The following ICA1 variants were observed in gnomAD, a reference collection of about 807,000 sequenced individuals.
ICA1 encodes islet cell autoantigen 1, also known as 69 kDa islet cell autoantigen.
Under a neutral mutation model 71.0 loss-of-function variants are expected in ICA1, and 40 were observed. The ratio of observed to expected loss-of-function variants is 0.56; its 90% CI spans 0.44 to 0.73. The LOEUF (loss-of-function observed/expected upper bound fraction) is 0.73, where lower values mean the gene tolerates loss of function less well. ICA1 is among the 30% of genes least tolerant of loss of function. The pLI, the probability that ICA1 is intolerant of heterozygous loss-of-function variation, is 0.00. For missense variants in ICA1, 578 were observed against 576.5 expected, an observed-to-expected ratio of 1.00 and a Z score of -0.03; for synonymous variants, 207 against 209.5, an observed-to-expected ratio of 0.99 and a Z score of 0.10.
intron 1 of ICA1, among the ~76,000 whole-genome samples, chr7:8,255,698 A>ATTC (rs56963351): frequency 0.97 from 146,772 of 151,626 alleles, 71,091 homozygotes; most frequent in East Asian, 1. Flanking sequence ...GCACTCTCAA[A>ATTC]TTCTTCTTTC....
In ICA1 at chr7:8,208,728, A is replaced by C. The variant is rs145476562; in HGVS notation, c.579+9577T>G. On this transcript the variant is annotated intron_variant, in intron 6 of 13. Coordinates refer to ENST00000402384, the MANE Select transcript of ICA1 (RefSeq NM_001136020.3). ...GTAATTTTCCATTGACCCGTAATTTAAGATGATACCTTCTTCAGGAGCTAC... is the reference window on the plus strand; with the variant it reads ...GTAATTTTCCATTGACCCGTAATTTCAGATGATACCTTCTTCAGGAGCTAC... 1.5e-3 allele frequency among the ~76,000 whole-genome samples: 223 copies of C among 152,350 alleles called. 1 individual carries two copies. The highest frequency in any genetic ancestry group is 6.8e-3 in the Middle Eastern group (2 of 294).
chr7:8,221,537 G>A (rs1797071209), intron 4 of ICA1, 139 bp from the exon 5 acceptor site: 2 of 910,042 alleles, frequency 2.2e-6, no homozygotes, highest in South Asian at 3.3e-5. Context: ...CAGGCTACAG[G>A]GTAAGCTCCC....
chr7:8,241,594 G>T (rs1436299390), intron 1 of ICA1, among the ~76,000 whole-genome samples: 2 of 152,074 alleles, frequency 1.3e-5, no homozygotes, highest in African/African-American at 4.8e-5. Context: ...TGGGCTAAAT[G>T]CCCCAATTAA....
intron 10 of ICA1, among the ~76,000 whole-genome samples, chr7:8,139,768 G>A (rs1156641247): frequency 6.6e-6 from 1 of 152,162 alleles, no homozygotes; most frequent in Non-Finnish European, 1.5e-5. Context: ...ATATGCTGGG[G>A]AAAGGAATCT....
chr7:8,189,923 C>T (rs1267458196), intron 6 of ICA1, among the ~76,000 whole-genome samples: 2 of 152,182 alleles, frequency 1.3e-5, no homozygotes, highest in African/African-American at 4.8e-5. Flanking sequence ...GGTAGGGGAT[C>T]CTATTTCACT....
intron 1 of ICA1, among the ~76,000 whole-genome samples, chr7:8,240,548 G>A (rs1803437517): frequency 6.6e-6 from 1 of 152,226 alleles, no homozygotes; most frequent in Non-Finnish European, 1.5e-5. Context: ...AACAAAGTTG[G>A]ATGGAGAATG....
chr7:8,258,550 T>C (rs947129986), intron 1 of ICA1, among the ~76,000 whole-genome samples: 1 of 152,204 alleles, frequency 6.6e-6, no homozygotes, highest in African/African-American at 2.4e-5. Context: ...ATCCTCGCAA[T>C]ACGGCCAAGT....
Position 8,234,939 on chromosome 7 carries a change from G to C in ICA1, c.17+971C>G. On this transcript the variant is annotated intron_variant, in intron 2 of 13. Coordinates refer to ENST00000402384, the MANE Select transcript of ICA1 (RefSeq NM_001136020.3). The surrounding 1 kb of genome is among the most constrained non-coding windows in gnomAD (Gnocchi z 4.5). The stretch of plus-strand genomic sequence containing the variant: ...CCAGCACTTTGGGAGGCTGAGGTGG[G>C]CAGATCATGAGGTCAAGAGATCGAG... Among the ~76,000 whole-genome samples the C allele has an allele frequency of 6.6e-6, 1 of 152,130 alleles. No individual in the cohort carries two copies. The highest frequency in any genetic ancestry group is 1.9e-4 in the East Asian group (1 of 5,184).
chr7:8,119,362 T>A (rs1785926275), intron 13 of ICA1, among the ~76,000 whole-genome samples: 1 of 152,214 alleles, frequency 6.6e-6, no homozygotes, highest in Non-Finnish European at 1.5e-5. Flanking sequence ...GACACTCAGC[T>A]GCAGAGAACA....
At chr7:8,178,665 C>G (rs748386100) in intron 6 of ICA1, among the ~76,000 whole-genome samples, 9 of 151,468 alleles carry the variant, frequency 5.9e-5, no homozygotes, top group Non-Finnish European at 1.2e-4. Flanking sequence ...TCCCATTAGT[C>G]TAAATCTTTA....
intron 6 of ICA1, among the ~76,000 whole-genome samples, chr7:8,201,912 G>A (rs1405994195): frequency 6.6e-6 from 1 of 152,106 alleles, no homozygotes; most frequent in East Asian, 1.9e-4. Context: ...ACAGGTTTCA[G>A]GAACTCACCA....
rs1791186475 is a variant in ICA1, at chr7:8,130,846, C to G, written c.1061-2704G>C. 6.6e-6 allele frequency among the ~76,000 whole-genome samples: 1 copy of G among 152,202 alleles called. No individual in the cohort carries two copies. The highest frequency in any genetic ancestry group is 1.5e-5 in the Non-Finnish European group (1 of 68,028). On this transcript the variant is annotated intron_variant, in intron 12 of 13. Coordinates refer to ENST00000402384, the MANE Select transcript of ICA1 (RefSeq NM_001136020.3). This position sits in a 1 kb window ranked among gnomAD's most constrained non-coding sequence, Gnocchi z 4.2. Reference sequence around the variant, plus strand: ...TTGTTTTTATTGTTTAGGTTTTGTGCTATGGTGTTTATAATGGACTTTGGT... The same window carrying G: ...TTGTTTTTATTGTTTAGGTTTTGTGGTATGGTGTTTATAATGGACTTTGGT...
chr7:8,218,515 G>C lies in ICA1; in HGVS notation c.381-12C>G, dbSNP rs376242891. 3.1e-6 allele frequency: 5 copies of C among 1,612,986 alleles called. No homozygotes were observed. The South Asian group carries it at 5.5e-5, about 18-fold the overall frequency. ...TTCGTAAGGCCAACCTAGACAAGAG[G>C]ACAAAGCCACACTCTCAAAACTAAG... On this transcript the variant is annotated splice_polypyrimidine_tract_variant and intron_variant, in intron 5 of 13. Transcript: ENST00000402384.
chr7:8,183,485 T>C (rs532708948), intron 6 of ICA1, among the ~76,000 whole-genome samples: 1 of 152,286 alleles, frequency 6.6e-6, no homozygotes, highest in African/African-American at 2.4e-5. Flanking sequence ...TTGGGGACAA[T>C]TATATGCATT....
intron 1 of ICA1, among the ~76,000 whole-genome samples, chr7:8,237,544 T>C (rs943679306): frequency 6.6e-6 from 1 of 152,128 alleles, no homozygotes; most frequent in African/African-American, 2.4e-5. Flanking sequence ...TCTCTAGAAC[T>C]TTTTCATCTT....
At chr7:8,172,051 T>G (rs1401167877) in intron 6 of ICA1, among the ~76,000 whole-genome samples, 1 of 152,072 alleles carries the variant, frequency 6.6e-6, no homozygotes, top group African/African-American at 2.4e-5. Context: ...ATGTTTCATG[T>G]GCACTTGAAA....
chr7:8,119,334 C>A (rs147179392), intron 13 of ICA1, among the ~76,000 whole-genome samples: 2 of 152,128 alleles, frequency 1.3e-5, no homozygotes, highest in African/African-American at 4.8e-5. Context: ...TCATTCTTCC[C>A]ATTTCAAAAA....
chr7:8,253,353 A>T (rs1355320697), intron 1 of ICA1, among the ~76,000 whole-genome samples: 3 of 152,220 alleles, frequency 2.0e-5, no homozygotes, highest in African/African-American at 7.2e-5. Context: ...TGCACAATGT[A>T]CTATTTGTGT....
chr7:8,174,462 C>A (rs941056863), intron 6 of ICA1, among the ~76,000 whole-genome samples: 1 of 151,802 alleles, frequency 6.6e-6, no homozygotes, highest in African/African-American at 2.4e-5. Flanking sequence ...AAGTTGCCCC[C>A]CACATTATAG....
Sources: gnomAD v4.1 joint callset for allele counts (sites outside exome capture counted in the v4.1 genomes callset) on GRCh38, gnomAD v4.1.1 for gene constraint, Gnocchi (gnomAD v3.1) non-coding constraint, MANE v1.5 for transcripts, NCBI Gene and HGNC (gene_info 2026-07-23, HGNC 2026-07-21) for gene names.